The following NBAS variants were observed in gnomAD, a reference collection of about 807,000 sequenced individuals.
NBAS encodes NAG/BC035112 fusion.
Under a neutral mutation model 302.5 loss-of-function variants are expected in NBAS, and 219 were observed. The observed-to-expected ratio is 0.72, with a 90% CI of 0.65 to 0.81. The LOEUF (loss-of-function observed/expected upper bound fraction) is 0.81. Among genes scored for constraint, NBAS ranks in the 30% least tolerant of loss-of-function variants. The pLI is 0.00. For missense variants in NBAS, 2,932 were observed against 2,841.6 expected, an observed-to-expected ratio of 1.03 and a Z score of -0.72; for synonymous variants, 1,118 against 1,021.6, an observed-to-expected ratio of 1.09 and a Z score of -1.80.
the NBAS span, among the ~76,000 whole-genome samples, chr2:15,067,383 AGGAGGGGAGGGGAGGGGAGG>A: frequency 3.3e-5 from 2 of 60,864 alleles, no homozygotes; most frequent in Non-Finnish European, 5.5e-5. Flanking sequence ...AGGAGAGGAG[AGGAGGGGAGGGGAGGGGAGG>A]GGAGGGGAGG....
At chr2:15,071,297 A>G in the NBAS span, among the ~76,000 whole-genome samples, 3 of 152,138 alleles carry the variant, frequency 2.0e-5, no homozygotes, top group Non-Finnish European at 4.4e-5. Flanking sequence ...GAGGTCAGGG[A>G]TACTATTATA....
chr2:15,355,611 C>T (rs1305890511), intron 33 of NBAS, among the ~76,000 whole-genome samples: 1 of 152,050 alleles, frequency 6.6e-6, no homozygotes, highest in Non-Finnish European at 1.5e-5. Context: ...ATCATGGGTG[C>T]AATTTCTCAT....
At chr2:15,038,419 A>G in the NBAS span, among the ~76,000 whole-genome samples, 2 of 152,080 alleles carry the variant, frequency 1.3e-5, no homozygotes, top group Non-Finnish European at 2.9e-5. Flanking sequence ...CCAACTGACT[A>G]TATTCTTAAC....
chr2:14,881,461 C>A, the NBAS span, among the ~76,000 whole-genome samples: 1 of 152,166 alleles, frequency 6.6e-6, no homozygotes, highest in African/African-American at 2.4e-5. Context: ...AACCCCACAA[C>A]TATGCAATTA....
At chr2:15,102,623 A>C in the NBAS span, among the ~76,000 whole-genome samples, 3 of 152,156 alleles carry the variant, frequency 2.0e-5, no homozygotes, top group Non-Finnish European at 4.4e-5. Flanking sequence ...GGTTTGATTA[A>C]GACAAAGAGA....
At chr2:15,330,872 C>G (rs908978255) in intron 35 of NBAS, 107 bp from the exon 36 acceptor site, 1 of 1,232,064 alleles carries the variant, frequency 8.1e-7, no homozygotes, top group Non-Finnish European at 1.1e-6. Flanking sequence ...AACTTGAAGA[C>G]AGACACATTT....
chr2:14,859,877 C>G, the NBAS span, among the ~76,000 whole-genome samples: 3 of 151,962 alleles, frequency 2.0e-5, no homozygotes, highest in African/African-American at 7.2e-5. Context: ...AATAAACAAT[C>G]AACAAACTAA....
At chr2:14,781,317 G>A in the NBAS span, among the ~76,000 whole-genome samples, 2 of 152,126 alleles carry the variant, frequency 1.3e-5, no homozygotes, top group South Asian at 2.1e-4. Flanking sequence ...ACTTGCTTAC[G>A]CAAATACAGC....
intron 30 of NBAS, among the ~76,000 whole-genome samples, chr2:15,377,406 C>T (rs948255844): frequency 1.6e-4 from 24 of 152,182 alleles, no homozygotes; most frequent in African/African-American, 5.8e-4. Context: ...TTTGCATGTG[C>T]TTACCCTTTG....
rs1671169465 is a variant in NBAS, at chr2:15,309,220, A to G, written c.4610T>C (p.Leu1537Ser). The G allele has an allele frequency of 6.2e-6, 10 of 1,612,424 alleles. No individual in the cohort carries two copies. Among genetic ancestry groups the G allele is most frequent in the Non-Finnish European group, 8.5e-6 (10 of 1,178,946 alleles). The change falls in exon 39 of 52, where the codon TTG becomes TCG. Residue 1537 changes from leucine (L) to serine (S), a missense_variant. Coordinates refer to ENST00000281513, the MANE Select transcript of NBAS (RefSeq NM_015909.4). ...EVLLQLASEALPNDMTLALAY... is the reference protein window; with the variant it reads ...EVLLQLASEASPNDMTLALAY... ...AAGAGCCAAGGTCATGTCATTTGGC[A>G]AGGCTTCACTTGCTAGTTGCAAGAG...
intron 38 of NBAS, among the ~76,000 whole-genome samples, chr2:15,313,447 T>A (rs1671366668): frequency 6.6e-6 from 1 of 152,212 alleles, no homozygotes; most frequent in Non-Finnish European, 1.5e-5. Context: ...AGAAAGGCAG[T>A]TCATCTGTAA....
the NBAS span, among the ~76,000 whole-genome samples, chr2:15,012,869 T>TC: frequency 2.4e-4 from 36 of 152,180 alleles, no homozygotes; most frequent in African/African-American, 8.2e-4. Context: ...GGAATTTTTT[T>TC]TTTTTTGAGC....
intron 2 of NBAS, 35 bp from the exon 3 acceptor site, chr2:15,556,854 A>G (rs373777656): frequency 4.6e-6 from 7 of 1,518,424 alleles, no homozygotes; most frequent in Middle Eastern, 1.7e-4. Context: ...CCAAATATAA[A>G]TCAGCTGTTA....
chr2:15,431,235 A>G lies in NBAS; in HGVS notation c.2340-3441T>C, dbSNP rs112675947. On this transcript the variant is annotated intron_variant, in intron 21 of 51. Transcript: ENST00000281513. The stretch of plus-strand genomic sequence containing the variant: ...CTACATTACTAGTCTAATAAAACTA[A>G]TATCTATGGAATATGGTTTAATCTT... 9.5e-3 allele frequency among the ~76,000 whole-genome samples: 1,453 copies of G among 152,322 alleles called. 17 individuals are homozygous for G. The highest frequency in any genetic ancestry group is 0.03 in the African/African-American group (1,252 of 41,562).
chr2:15,399,652 A>G (rs971228455), intron 26 of NBAS, among the ~76,000 whole-genome samples: 7 of 152,342 alleles, frequency 4.6e-5, no homozygotes, highest in African/African-American at 1.7e-4. Flanking sequence ...AAAGAGGAGT[A>G]CAAATAAACT....
Position 15,467,722 on chromosome 2 carries a change from T to C in NBAS, c.1960A>G (p.Lys654Glu), listed in dbSNP as rs1679784119. The part of the protein sequence containing the change: ...SPPDEEPAKN[K>E]KEKELKKRQE... Reference sequence around the variant, plus strand: ...CTCTTCTTGAGCTCCTTTTCCTTTTTATTCTTGGCAGGCTCTTCATCAGGT... The same window carrying C: ...CTCTTCTTGAGCTCCTTTTCCTTTTCATTCTTGGCAGGCTCTTCATCAGGT... Residue 654 changes from lysine to glutamate, a missense_variant, in exon 18 of 52, where the codon AAA (lysine) becomes GAA (glutamate). Lys to Glu is a moderately conservative substitution (Grantham distance 56). Coordinates refer to ENST00000281513, the MANE Select transcript of NBAS (RefSeq NM_015909.4). 1.9e-6 allele frequency: 3 copies of C among 1,610,860 alleles called. No individual in the cohort carries two copies. Among genetic ancestry groups the C allele is most frequent in the African/African-American group, 1.3e-5 (1 of 75,012 alleles).
intron 35 of NBAS, among the ~76,000 whole-genome samples, chr2:15,336,991 T>A (rs376446890): frequency 1.0e-3 from 157 of 152,194 alleles, no homozygotes; most frequent in African/African-American, 3.2e-3. Flanking sequence ...AAATGCAGGC[T>A]AAGCCAGCAC....
chr2:15,373,587 T>C (rs753159643), intron 31 of NBAS, among the ~76,000 whole-genome samples: 3 of 152,134 alleles, frequency 2.0e-5, no homozygotes, highest in Non-Finnish European at 4.4e-5. Context: ...TACATCAGCA[T>C]CCCAAAATGC....
chr2:15,496,002 CA>C (rs1681053112), intron 11 of NBAS, among the ~76,000 whole-genome samples: 1 of 151,148 alleles, frequency 6.6e-6, no homozygotes, highest in South Asian at 2.1e-4. Flanking sequence ...TTATAATAGC[CA>C]AAAAGTAGAA....
Sources: gnomAD v4.1 joint callset for allele counts (sites outside exome capture counted in the v4.1 genomes callset) on GRCh38, gnomAD v4.1.1 for gene constraint, MANE v1.5 for transcripts, NCBI Gene and HGNC (gene_info 2026-07-23, HGNC 2026-07-21) for gene names.